RUNX3: variants seen among roughly 807,000 people sequenced by gnomAD.
The protein encoded by RUNX3 is runt-related transcription factor 3.
RUNX3 carries 10 observed loss-of-function variants against 27.7 expected under a neutral mutation model. The observed-to-expected ratio is 0.36, with a 90% CI of 0.22 to 0.61. The LOEUF is 0.61. RUNX3 is among the 20% of genes least tolerant of loss of function. RUNX3 has a pLI of 0.72. For synonymous variants in RUNX3, 270 were observed against 269.2 expected (o/e 1.00, Z -0.03); for missense variants, 469 against 629.5 (o/e 0.75, Z 2.73).
At chr1:24,942,864 G>T (rs61774731) in intron 2 of RUNX3, among the ~76,000 whole-genome samples, 1 of 152,150 alleles carries the variant, frequency 6.6e-6, no homozygotes, top group Non-Finnish European at 1.5e-5. Context: ...GTGCTCCTCG[G>T]AGCCTGCCCA....
At chr1:24,954,207 G>T (rs539185856) in intron 2 of RUNX3, among the ~76,000 whole-genome samples, 1 of 152,186 alleles carries the variant, frequency 6.6e-6, no homozygotes, top group Non-Finnish European at 1.5e-5. Context: ...GAATGATAGT[G>T]GTTTTTTCTG....
rs1011191981 is a variant in RUNX3 at position 24,900,758 on chromosome 1, C to T, written c.*1364G>A. 3.9e-5 allele frequency: 6 copies of T among 152,388 alleles called. No individual in the cohort carries two copies. The highest frequency in any genetic ancestry group is 1.4e-4 in the African/African-American group (6 of 41,440). The allele number at this position is 152,388 out of a possible 1,614,324, so 9.4% of individuals were successfully genotyped here. On this transcript the variant is annotated 3_prime_UTR_variant, in exon 5 of 5. Coordinates refer to ENST00000308873, the MANE Select transcript of RUNX3 (RefSeq NM_004350.3). ...CCCAGCGTCTCATCAGCGTTTCCCT[C>T]GTCCTCCCAGGGGAGCCTGTGGTGC...
At chr1:24,921,368 G>C (rs1210121348) in intron 2 of RUNX3, among the ~76,000 whole-genome samples, 2 of 152,176 alleles carry the variant, frequency 1.3e-5, no homozygotes, top group Non-Finnish European at 2.9e-5. Context: ...GAGACACCAG[G>C]GGGAATTTAA....
rs908073170 is a variant in RUNX3, at chr1:24,962,535, T to C, written c.58+1979A>G. Among the ~76,000 whole-genome samples, 1 of 152,140 alleles carries C rather than the reference T, an allele frequency of 6.6e-6. No homozygotes were observed. Among genetic ancestry groups the C allele is most frequent in the African/African-American group, 2.4e-5 (1 of 41,426 alleles). ...ATGGGATTTGGGAGACAGGCCCCCA[T>C]GGCGAGCACGTCGTGAGCAGAAATG... On this transcript the variant is annotated intron_variant, in intron 2 of 6. Coordinates refer to the RUNX3 transcript ENST00000338888. The surrounding 1 kb of genome is among the most constrained non-coding windows in gnomAD (Gnocchi z 4.5).
intron 3 of RUNX3, among the ~76,000 whole-genome samples, chr1:24,913,865 C>T (rs144287945): frequency 6.6e-6 from 1 of 152,218 alleles, no homozygotes; most frequent in Non-Finnish European, 1.5e-5. Flanking sequence ...TCCATGCAGG[C>T]CCAACACAAG....
chr1:24,902,929 G>A lies in RUNX3; in HGVS notation c.704-263C>T, dbSNP rs1640591506. 6.6e-6 allele frequency among the ~76,000 whole-genome samples: 1 copy of A among 152,200 alleles called. No homozygotes were observed. Among genetic ancestry groups the A allele is most frequent in the Non-Finnish European group, 1.5e-5 (1 of 68,028 alleles). On this transcript the variant is annotated intron_variant, in intron 4 of 4. Coordinates refer to ENST00000308873, the MANE Select transcript of RUNX3 (RefSeq NM_004350.3). The surrounding 1 kb of genome is among the most constrained non-coding windows in gnomAD (Gnocchi z 9.2). ...CCCACAGCAGCAACAGAACAGAGGA[G>A]GGGGTCTATTCTTCTTTTTAAATCC...
chr1:24,923,797 G>A lies in RUNX3; in HGVS notation c.439+3777C>T, dbSNP rs573072870. 1.8e-3 allele frequency among the ~76,000 whole-genome samples: 274 copies of A among 152,264 alleles called. 2 individuals carry two copies. Among genetic ancestry groups the A allele is most frequent in the African/African-American group, 6.4e-3 (264 of 41,534 alleles). ...CCAGCGGTTCCCCTCAGCCTGCACC[G>A]GCACACTGCACCCCGAATCTCTGTC... On this transcript the variant is annotated intron_variant, in intron 2 of 4. Coordinates refer to ENST00000308873, the MANE Select transcript of RUNX3 (RefSeq NM_004350.3). This position sits in a 1 kb window ranked among gnomAD's most constrained non-coding sequence, Gnocchi z 5.9.
chr1:24,940,698 T>G (rs1192305601), intron 2 of RUNX3, among the ~76,000 whole-genome samples: 1 of 147,554 alleles, frequency 6.8e-6, no homozygotes, highest in African/African-American at 2.5e-5. Flanking sequence ...AGTTCAAGAC[T>G]AGCCTGGGCA....
chr1:24,917,022 G>C (rs765088783), intron 3 of RUNX3, among the ~76,000 whole-genome samples: 2 of 152,220 alleles, frequency 1.3e-5, no homozygotes, highest in Non-Finnish European at 2.9e-5. Context: ...GCAGGGCTGA[G>C]TCTCCATGCT....
chr1:24,915,651 G>C (rs1036234573), intron 3 of RUNX3, among the ~76,000 whole-genome samples: 3 of 152,098 alleles, frequency 2.0e-5, no homozygotes, highest in Non-Finnish European at 4.4e-5. Context: ...GCATCTGGGG[G>C]TGTCCGGGGA....
In RUNX3 at chr1:24,901,036, GTTTTTTT is replaced by G. The variant is rs3085849; in HGVS notation, c.*1079_*1085del. The G allele has an allele frequency of 9.4e-5, 11 of 116,902 alleles. No individual in the cohort carries two copies. The highest frequency in any genetic ancestry group is 2.1e-4 in the African/African-American group (6 of 29,078). 7.2% of individuals were successfully genotyped at this position (116,902 alleles called of 1,614,324 possible). A position where few individuals can be genotyped will look rare whatever the true frequency, so the allele number is the denominator to read the frequency against. ...TGTTTTGTTTTTTTTTTGTTTTTTT[GTTTTTTT>G]TTTTTTTTTGCTCAGGACTATTTGC... On this transcript the variant is annotated 3_prime_UTR_variant, in exon 5 of 5. Coordinates refer to ENST00000308873, the MANE Select transcript of RUNX3 (RefSeq NM_004350.3).
intron 1 of RUNX3, chr1:24,929,348 G>A: frequency 1.4e-6 from 1 of 693,534 alleles, no homozygotes. Flanking sequence ...TACGCAAGGC[G>A]CCCCAAAACC....
At chr1:24,912,308 G>A (rs1235445462) in intron 3 of RUNX3, among the ~76,000 whole-genome samples, 1 of 152,178 alleles carries the variant, frequency 6.6e-6, no homozygotes, top group Non-Finnish European at 1.5e-5. Context: ...GCCCCAGAAA[G>A]AAAAGAAGGC....
At chr1:24,930,527 T>G (rs889601684), upstream of RUNX3, among the ~76,000 whole-genome samples, 2 of 151,566 alleles carry the variant, frequency 1.3e-5, no homozygotes, top group Non-Finnish European at 2.9e-5. The surrounding 1 kb of genome is among the most constrained non-coding windows in gnomAD (Gnocchi z 4.1). Flanking sequence ...ATGCTAGAAA[T>G]TTGCTTAGAA....
chr1:24,929,429 C>G, intron 1 of RUNX3, 158 bp downstream of exon 1: 1 of 774,772 alleles, frequency 1.3e-6, no homozygotes, highest in Non-Finnish European at 2.2e-6. Flanking sequence ...GCCGAGGTCC[C>G]GGAGCCGAGC....
intron 3 of RUNX3, among the ~76,000 whole-genome samples, chr1:24,909,558 C>T (rs758589861): frequency 7.9e-5 from 12 of 152,198 alleles, no homozygotes; most frequent in South Asian, 2.1e-4. Flanking sequence ...CTCCCTGCTA[C>T]GGAAGGGATT....
chr1:24,939,326 C>T (rs1641421098), intron 2 of RUNX3, among the ~76,000 whole-genome samples: 1 of 152,374 alleles, frequency 6.6e-6, no homozygotes, highest in African/African-American at 2.4e-5. Flanking sequence ...TCATGGAGGA[C>T]AGCATTGTTA....
At chr1:24,941,073 A>T (rs1218530471) in intron 2 of RUNX3, among the ~76,000 whole-genome samples, 1 of 152,236 alleles carries the variant, frequency 6.6e-6, no homozygotes, top group South Asian at 2.1e-4. Context: ...ATTATTCATG[A>T]TGCAGCAAAG....
upstream of RUNX3, among the ~76,000 whole-genome samples, chr1:24,931,689 G>C (rs1413366917): frequency 6.6e-6 from 1 of 152,208 alleles, no homozygotes; most frequent in Admixed American, 6.5e-5. Flanking sequence ...CCCCTGCTCA[G>C]CGCGCGCCAT....
Sources: allele counts gnomAD v4.1 joint callset (sites outside exome capture counted in the v4.1 genomes callset), GRCh38; gene constraint gnomAD v4.1.1; non-coding constraint Gnocchi (gnomAD v3.1); transcripts MANE v1.5; gene names NCBI Gene and HGNC (gene_info 2026-07-23, HGNC 2026-07-21).